BCAS3: variants seen among roughly 807,000 people sequenced by gnomAD.
BCAS3 encodes BCAS3 microtubule associated cell migration factor, also known as BCAS4/BCAS3 fusion.
In BCAS3, 53 loss-of-function variants were observed where a neutral mutation model predicts 116.1. That is an observed-to-expected ratio of 0.46 (90% CI 0.37 to 0.57). BCAS3 has a LOEUF of 0.57. BCAS3 is among the 20% of genes least tolerant of loss of function. The probability of loss-of-function intolerance (pLI) is 0.00; values close to 1 mark genes in which losing one functional copy is unlikely to be tolerated. For missense variants in BCAS3, 917 were observed against 1,165.4 expected (o/e 0.79, Z 3.10); for synonymous variants, 391 against 408.2 (o/e 0.96, Z 0.51).
At chr17:61,052,341 C>A (rs959964752) in intron 19 of BCAS3, among the ~76,000 whole-genome samples, 10 of 151,890 alleles carry the variant, frequency 6.6e-5, no homozygotes, top group Non-Finnish European at 1.2e-4. Flanking sequence ...TTTTACATTT[C>A]GGATATCATA....
Position 61,384,568 on chromosome 17 carries a change from C to T in BCAS3, c.2594-7409C>T, listed in dbSNP as rs572947288. 3.3e-5 allele frequency: 5 copies of T among 152,370 alleles called. No individual in the cohort carries two copies. The East Asian group carries it at 9.7e-4, about 29-fold the overall frequency. The allele number at this position is 152,370 out of a possible 1,614,324, so 9.4% of individuals were successfully genotyped here. A position where few individuals can be genotyped will look rare whatever the true frequency, so the allele number is the denominator to read the frequency against. On this transcript the variant is annotated intron_variant, in intron 23 of 23. Transcript: ENST00000407086. ...GCCTCCTCGCACAGTCCTCCTCCTC[C>T]CTGGGCCATCCACAGGGAGTGGTAG...
intron 6 of BCAS3, among the ~76,000 whole-genome samples, chr17:60,792,882 A>G (rs1032758256): frequency 1.3e-5 from 2 of 152,172 alleles, no homozygotes; most frequent in Non-Finnish European, 2.9e-5. Flanking sequence ...GGCAACACTA[A>G]TTGGACTAAA....
intron 22 of BCAS3, among the ~76,000 whole-genome samples, chr17:61,275,222 G>A (rs1176098003): frequency 6.6e-6 from 1 of 152,176 alleles, no homozygotes; most frequent in Non-Finnish European, 1.5e-5. Context: ...AGATCGATAT[G>A]TAAAAATTGA....
Position 61,037,815 on chromosome 17 carries a change from A to ATT in BCAS3, c.1763-73_1763-72dup. Reference sequence around the variant, plus strand: ...GCCTCAGGAGCAGACTAATAAGATCATTAACTTGTAAAAATTATTCTGTGC... The same window carrying ATT: ...GCCTCAGGAGCAGACTAATAAGATCATTTTAACTTGTAAAAATTATTCTGTGC... On this transcript the variant is annotated intron_variant, in intron 17 of 23. Transcript: ENST00000407086. This position sits in a 1 kb window ranked among gnomAD's most constrained non-coding sequence, Gnocchi z 4.7. 7.3e-7 allele frequency: 1 copy of ATT among 1,368,398 alleles called. No homozygotes were observed. The highest frequency in any genetic ancestry group is 1.0e-6 in the Non-Finnish European group (1 of 991,538). The allele number at this position is 1,368,398 out of a possible 1,614,324, so 84.8% of individuals were successfully genotyped here.
In BCAS3 at chr17:61,004,032, A is replaced by G. The variant is rs761801847; in HGVS notation, c.1487-11719A>G. On this transcript the variant is annotated intron_variant, in intron 15 of 23. Coordinates refer to ENST00000407086, the MANE Select transcript of BCAS3 (RefSeq NM_017679.5). This position sits in a 1 kb window ranked among gnomAD's most constrained non-coding sequence, Gnocchi z 4.8. Reference sequence around the variant, plus strand: ...GGGTAATAAAGAGTTTCTGGCAATAAACTTAGAAGTTAGTTTTCAAGGAGT... The same window carrying G: ...GGGTAATAAAGAGTTTCTGGCAATAGACTTAGAAGTTAGTTTTCAAGGAGT... The G allele has an allele frequency of 3.9e-5, 6 of 152,176 alleles. No homozygotes were observed. The highest frequency in any genetic ancestry group is 8.8e-5 in the Non-Finnish European group (6 of 68,034). The allele number at this position is 152,176 out of a possible 1,614,324, so 9.4% of individuals were successfully genotyped here.
rs1357591570 is a variant in BCAS3 at position 61,281,809 on chromosome 17, TG to T, written c.2426-86514del. Among the ~76,000 whole-genome samples, 1 of 152,168 alleles carries T rather than the reference TG, an allele frequency of 6.6e-6. No individual in the cohort carries two copies. Among genetic ancestry groups the T allele is most frequent in the Non-Finnish European group, 1.5e-5 (1 of 68,026 alleles). ...ATTTTATGTGTTTATCAATAATTTC[TG>T]GGGTTTGTATCATATTAAGTATAGC... On this transcript the variant is annotated intron_variant, in intron 22 of 23. Transcript: ENST00000407086. The surrounding 1 kb of genome is among the most constrained non-coding windows in gnomAD (Gnocchi z 4.2).
chr17:61,049,007 A>G (rs2068595301), intron 19 of BCAS3, among the ~76,000 whole-genome samples: 2 of 152,092 alleles, frequency 1.3e-5, no homozygotes, highest in South Asian at 2.1e-4. Flanking sequence ...GCTTCATTGC[A>G]TAAGACTGAA....
In BCAS3 at chr17:61,229,131, G is replaced by A. The variant is rs189667465; in HGVS notation, c.2426-139196G>A. Among the ~76,000 whole-genome samples, 655 of 152,150 alleles carry A rather than the reference G, an allele frequency of 4.3e-3. 6 individuals are homozygous for A. The highest frequency in any genetic ancestry group is 0.015 in the African/African-American group (617 of 41,494). The stretch of plus-strand genomic sequence containing the variant: ...TGGCCTCAAGCAATCCTCTTGCCTC[G>A]GCCTCCCAAAGTGCTGGGATTACTG... On this transcript the variant is annotated intron_variant, in intron 22 of 23. Transcript: ENST00000407086. This position sits in a 1 kb window ranked among gnomAD's most constrained non-coding sequence, Gnocchi z 4.4.
rs1206218522 is a variant in BCAS3, at chr17:61,343,582, T to G, written c.2426-24745T>G. On this transcript the variant is annotated intron_variant, in intron 22 of 23. Transcript: ENST00000407086. The surrounding 1 kb of genome is among the most constrained non-coding windows in gnomAD (Gnocchi z 5.5). Reference sequence around the variant, plus strand: ...CTTGATGTGAGGCCCCTTGGAGAAGTACTGGTTGAGGAAGCGTATGCAGAG... The same window carrying G: ...CTTGATGTGAGGCCCCTTGGAGAAGGACTGGTTGAGGAAGCGTATGCAGAG... Among the ~76,000 whole-genome samples, 2 of 152,152 alleles carry G rather than the reference T, an allele frequency of 1.3e-5. No individual in the cohort carries two copies. The highest frequency in any genetic ancestry group is 2.9e-5 in the Non-Finnish European group (2 of 68,026).
chr17:61,085,611 A>C (rs956149657), intron 22 of BCAS3, among the ~76,000 whole-genome samples: 10 of 152,172 alleles, frequency 6.6e-5, no homozygotes, highest in African/African-American at 2.4e-4. Flanking sequence ...GAGCTGCCCC[A>C]TCTAGGGCTA....
Position 61,376,195 on chromosome 17 carries a change from G to A in BCAS3, c.2593+7701G>A, listed in dbSNP as rs1412279239. ...TTACATGTGTTATGTGGGCCTCTCA[G>A]GTCCCTTTCCCAAACCTGAGATTCT... is the stretch of plus-strand genomic sequence containing the variant. On this transcript the variant is annotated intron_variant, in intron 23 of 23. Transcript: ENST00000407086. This position sits in a 1 kb window ranked among gnomAD's most constrained non-coding sequence, Gnocchi z 4.5. Among the ~76,000 whole-genome samples, 1 of 152,166 alleles carries A rather than the reference G, an allele frequency of 6.6e-6. No individual in the cohort carries two copies. Among genetic ancestry groups the A allele is most frequent in the Non-Finnish European group, 1.5e-5 (1 of 68,034 alleles).
intron 14 of BCAS3, among the ~76,000 whole-genome samples, chr17:60,975,000 T>G (rs1281281652): frequency 9.3e-5 from 13 of 139,478 alleles, no homozygotes; most frequent in African/African-American, 2.8e-4. Flanking sequence ...TGCTTTTTTG[T>G]TTTTTTTTTT....
chr17:60,966,707 C>G (rs1157436231), intron 14 of BCAS3, among the ~76,000 whole-genome samples: 1 of 150,142 alleles, frequency 6.7e-6, no homozygotes, highest in African/African-American at 2.5e-5. Flanking sequence ...CTCTGTTACC[C>G]AGTGGCACGT....
rs1304148955 is a variant in BCAS3 at position 60,960,309 on chromosome 17, A to G, written c.1221+12957A>G. 5.3e-5 allele frequency among the ~76,000 whole-genome samples: 8 copies of G among 152,100 alleles called. No homozygotes were observed. The highest frequency in any genetic ancestry group is 1.3e-4 in the Admixed American group (2 of 15,274). On this transcript the variant is annotated intron_variant, in intron 14 of 23. Coordinates refer to ENST00000407086, the MANE Select transcript of BCAS3 (RefSeq NM_017679.5). The surrounding 1 kb of genome is among the most constrained non-coding windows in gnomAD (Gnocchi z 4.1). ...TCAAAGGTCCAATCTTATCATCTCAATCATCTGACTCTGGTATGGTTGAGA... is the reference window on the plus strand; with the variant it reads ...TCAAAGGTCCAATCTTATCATCTCAGTCATCTGACTCTGGTATGGTTGAGA...
In BCAS3 at chr17:61,252,937, T is replaced by TGGTG. The variant is rs1293757535; in HGVS notation, c.2426-115389_2426-115386dup. Among the ~76,000 whole-genome samples, 3 of 149,650 alleles carry TGGTG rather than the reference T, an allele frequency of 2.0e-5. No individual in the cohort carries two copies. In the East Asian group the frequency reaches 6.0e-4, roughly 30 times the overall value. On this transcript the variant is annotated intron_variant, in intron 22 of 23. Coordinates refer to ENST00000407086, the MANE Select transcript of BCAS3 (RefSeq NM_017679.5). ...CTCTGTTGCCCAGGCTGGAGTGCAG[T>TGGTG]GGTGTGATCTCAGCTCACTGCAACC...
chr17:61,246,387 G>A (rs1445151321), intron 22 of BCAS3, among the ~76,000 whole-genome samples: 1 of 147,494 alleles, frequency 6.8e-6, no homozygotes, highest in East Asian at 2.0e-4. Context: ...AGGCTGAGGC[G>A]AGAGGACCAC....
intron 6 of BCAS3, among the ~76,000 whole-genome samples, chr17:60,761,371 C>T (rs951189629): frequency 6.6e-6 from 1 of 152,038 alleles, no homozygotes; most frequent in Admixed American, 6.6e-5. Flanking sequence ...CATGCCCCCA[C>T]TCCACGACAG....
chr17:60,705,512 CAAAAA>C (rs1033436210), intron 4 of BCAS3, among the ~76,000 whole-genome samples: 2 of 61,876 alleles, frequency 3.2e-5, no homozygotes, highest in South Asian at 5.6e-4. Context: ...AGACTTGTCT[CAAAAA>C]AAAAAAAAAA....
chr17:60,996,491 G>T (rs1245645099), intron 15 of BCAS3, among the ~76,000 whole-genome samples: 2 of 152,142 alleles, frequency 1.3e-5, no homozygotes, highest in African/African-American at 4.8e-5. Flanking sequence ...AGAAGGATAG[G>T]GTTGGTGTCA....
Sources: gnomAD v4.1 joint callset for allele counts (sites outside exome capture counted in the v4.1 genomes callset) on GRCh38, gnomAD v4.1.1 for gene constraint, Gnocchi (gnomAD v3.1) non-coding constraint, MANE v1.5 for transcripts, NCBI Gene and HGNC (gene_info 2026-07-23, HGNC 2026-07-21) for gene names.